The following ATRNL1 variants were observed in gnomAD, a reference collection of about 807,000 sequenced individuals.
ATRNL1 encodes attractin like 1.
A neutral mutation model predicts 182.7 loss-of-function variants in ATRNL1; 95 were observed. The observed-to-expected ratio is 0.52, with a 90% CI of 0.44 to 0.62. The LOEUF (loss-of-function observed/expected upper bound fraction) is 0.62. Among genes scored for constraint, ATRNL1 ranks in the 20% least tolerant of loss-of-function variants. The pLI is 0.00. For missense variants in ATRNL1, 1,471 were observed against 1,679.5 expected (o/e 0.88, Z 2.17); for synonymous variants, 576 against 568.3 (o/e 1.01, Z -0.19).
intron 25 of ATRNL1, among the ~76,000 whole-genome samples, chr10:115,537,470 A>C (rs1328011): frequency 0.62 from 94,586 of 151,968 alleles, 30,589 homozygotes; most frequent in Non-Finnish European, 0.73. Flanking sequence ...TTCCTTAATG[A>C]CCTACATGAA....
At chr10:115,185,868 A>T (rs1564805409) in intron 8 of ATRNL1, among the ~76,000 whole-genome samples, 5 of 152,080 alleles carry the variant, frequency 3.3e-5, no homozygotes, top group South Asian at 2.1e-4. Context: ...CTTTGTATAT[A>T]ATACCTACAG....
At chr10:115,581,449 C>G (rs1855071490) in intron 26 of ATRNL1, among the ~76,000 whole-genome samples, 2 of 152,022 alleles carry the variant, frequency 1.3e-5, no homozygotes, top group South Asian at 4.2e-4. Context: ...CCTGCACTCT[C>G]ATTTGAACTA....
At position 115,456,002 on chromosome 10, in the gene ATRNL1, T is replaced by C. The variant is rs561442222; in HGVS notation, c.3323-5939T>C. Among the ~76,000 whole-genome samples, 6 of 152,208 alleles carry C rather than the reference T, an allele frequency of 3.9e-5. No individual in the cohort carries two copies. The South Asian group carries it at 1.2e-3, about 32-fold the overall frequency. On this transcript the variant is annotated intron_variant, in intron 21 of 28. Transcript: ENST00000355044. ...AGGAAACAACAGATGCTGGAGAGGATGTGGAGAAATAGGAATGCTTTTGCA... is the reference window on the plus strand; with the variant it reads ...AGGAAACAACAGATGCTGGAGAGGACGTGGAGAAATAGGAATGCTTTTGCA...
chr10:115,780,573 G>C (rs1376116421), intron 27 of ATRNL1, among the ~76,000 whole-genome samples: 1 of 152,156 alleles, frequency 6.6e-6, no homozygotes, highest in Non-Finnish European at 1.5e-5. Flanking sequence ...GGAGAGGAGA[G>C]GGAAGAGTAA....
chr10:115,149,741 T>A (rs1214302862), intron 5 of ATRNL1, among the ~76,000 whole-genome samples: 2 of 152,122 alleles, frequency 1.3e-5, no homozygotes, highest in African/African-American at 4.8e-5. Flanking sequence ...TTGGTATTTT[T>A]TGAGTATCTT....
chr10:115,513,442 G>A (rs1554983148), intron 24 of ATRNL1, among the ~76,000 whole-genome samples: 3 of 151,486 alleles, frequency 2.0e-5, no homozygotes, highest in African/African-American at 7.3e-5. Context: ...TATTATTATC[G>A]CCATTTATTA....
chr10:115,892,290 A>G (rs1400882165), intron 28 of ATRNL1, among the ~76,000 whole-genome samples: 4 of 152,208 alleles, frequency 2.6e-5, no homozygotes, highest in African/African-American at 7.2e-5. Flanking sequence ...TGGAAGGAGT[A>G]TGGTAAATTT....
chr10:115,156,707 C>A (rs1323971476), intron 5 of ATRNL1, among the ~76,000 whole-genome samples: 2 of 151,844 alleles, frequency 1.3e-5, no homozygotes, highest in Admixed American at 6.6e-5. Context: ...TTTATTACAC[C>A]CTTTAAAAAA....
In ATRNL1 at chr10:115,779,211, C is replaced by T. The variant is rs1949203579; in HGVS notation, c.3903+51856C>T. On this transcript the variant is annotated intron_variant, in intron 27 of 28. Transcript: ENST00000355044. The stretch of plus-strand genomic sequence containing the variant: ...TGGTGCTTCTAATAGAAATGGAAAT[C>T]AGGAAGATAAAAGCAGATTTGGGAA... Among the ~76,000 whole-genome samples the T allele has an allele frequency of 6.6e-5, 10 of 152,154 alleles. No individual in the cohort carries two copies. The South Asian group carries it at 2.1e-3, about 32-fold the overall frequency.
chr10:115,637,694 G>A (rs539591125), intron 26 of ATRNL1, among the ~76,000 whole-genome samples: 43 of 150,252 alleles, frequency 2.9e-4, no homozygotes, highest in Non-Finnish European at 5.8e-4. Context: ...GTGCAATCTT[G>A]GCTCACTGCA....
chr10:115,101,463 A>C (rs1554864566), intron 1 of ATRNL1, among the ~76,000 whole-genome samples: 1 of 152,088 alleles, frequency 6.6e-6, no homozygotes, highest in Non-Finnish European at 1.5e-5. Flanking sequence ...CATTGAGATA[A>C]TCATATGATT....
At chr10:115,193,911 T>A (rs1292946877) in intron 8 of ATRNL1, among the ~76,000 whole-genome samples, 1 of 152,006 alleles carries the variant, frequency 6.6e-6, no homozygotes, top group Non-Finnish European at 1.5e-5. Flanking sequence ...CATTTTCGTT[T>A]GTTTCTGGAA....
At chr10:115,134,909 A>G (rs1402787027) in intron 5 of ATRNL1, among the ~76,000 whole-genome samples, 1 of 152,182 alleles carries the variant, frequency 6.6e-6, no homozygotes, top group African/African-American at 2.4e-5. Flanking sequence ...GTAATCCAGC[A>G]TATAAACAGA....
chr10:115,707,091 T>A (rs899089679), intron 26 of ATRNL1, among the ~76,000 whole-genome samples: 3 of 151,834 alleles, frequency 2.0e-5, no homozygotes, highest in Admixed American at 6.6e-5. Context: ...CAGGTACTAA[T>A]CCGTGTCGCT....
chr10:115,941,385 T>A (rs1478826876), intron 28 of ATRNL1, among the ~76,000 whole-genome samples: 1 of 152,232 alleles, frequency 6.6e-6, no homozygotes, highest in East Asian at 1.9e-4. Flanking sequence ...CTTCATGAAA[T>A]ACAGCGATAC....
chr10:115,170,303 A>G (rs1847238136), intron 7 of ATRNL1, among the ~76,000 whole-genome samples: 1 of 152,016 alleles, frequency 6.6e-6, no homozygotes, highest in Non-Finnish European at 1.5e-5. Context: ...ATTTTTTTCT[A>G]TTTCTAGTTT....
intron 19 of ATRNL1, among the ~76,000 whole-genome samples, chr10:115,352,573 T>C (rs1856309518): frequency 6.6e-6 from 1 of 152,186 alleles, no homozygotes. Context: ...TTCATTTCCA[T>C]ATATTTGTAT....
intron 5 of ATRNL1, among the ~76,000 whole-genome samples, chr10:115,149,067 C>T (rs915755445): frequency 8.6e-5 from 13 of 152,038 alleles, no homozygotes; most frequent in East Asian, 3.9e-4. Flanking sequence ...CTTTTGGAGG[C>T]GGTGTCTGAT....
At chr10:115,620,802 A>T (rs543078479) in intron 26 of ATRNL1, among the ~76,000 whole-genome samples, 1 of 152,350 alleles carries the variant, frequency 6.6e-6, no homozygotes, top group Non-Finnish European at 1.5e-5. Flanking sequence ...ACACATGAAC[A>T]CATATGTACA....
Sources: allele counts gnomAD v4.1 joint callset (sites outside exome capture counted in the v4.1 genomes callset), GRCh38; gene constraint gnomAD v4.1.1; transcripts MANE v1.5; gene names NCBI Gene and HGNC (gene_info 2026-07-23, HGNC 2026-07-21).